Variants in DSG2 observed in about 807,000 individuals in gnomAD.
DSG2 encodes desmoglein 2, also known as desmoglein-2.
A neutral mutation model predicts 75.6 loss-of-function variants in DSG2; 45 were observed. The observed-to-expected ratio is 0.60, with a 90% CI of 0.47 to 0.76. The LOEUF (loss-of-function observed/expected upper bound fraction) is 0.76, where lower values mean the gene tolerates loss of function less well. Ranked by LOEUF, DSG2 falls within the 30% of genes least tolerant of loss-of-function variation. The pLI, the probability that DSG2 is intolerant of heterozygous loss-of-function variation, is 0.00. For missense variants in DSG2, 1,267 were observed against 1,357.4 expected, an observed-to-expected ratio of 0.93 and a Z score of 1.05; for synonymous variants, 429 against 483.9, an observed-to-expected ratio of 0.89 and a Z score of 1.49.
intron 12 of DSG2, among the ~76,000 whole-genome samples, chr18:31,540,046 A>T (rs576323486): frequency 6.6e-6 from 1 of 152,174 alleles, no homozygotes; most frequent in East Asian, 1.9e-4. Flanking sequence ...CAGAAAAATA[A>T]GTTCAGGGCT....
chr18:31,503,627 C>T (rs2073024983), intron 1 of DSG2, among the ~76,000 whole-genome samples: 1 of 152,064 alleles, frequency 6.6e-6, no homozygotes, highest in Non-Finnish European at 1.5e-5. Flanking sequence ...AGGAAAGAGT[C>T]AAGAAAGAAG....
chr18:31,511,751 A>G (rs992147899), intron 1 of DSG2, among the ~76,000 whole-genome samples: 3 of 152,206 alleles, frequency 2.0e-5, no homozygotes, highest in African/African-American at 7.2e-5. Context: ...TGTAACATAC[A>G]TCCAGAAAAG....
intron 14 of DSG2, among the ~76,000 whole-genome samples, chr18:31,545,289 TTC>T (rs776940056): frequency 2.6e-5 from 4 of 152,238 alleles, no homozygotes; most frequent in Non-Finnish European, 5.9e-5. Context: ...CTTTTCCATT[TTC>T]TCTGTCTCTC....
rs554396523 is a variant in DSG2, at chr18:31,542,603, G to C, written c.2085G>C (p.Thr695=). ...TAGGAGGTATGGCCAAGGAAGCCACGATGAAAGGAAGTAGCTCTGCTTCCA... is the reference window on the plus strand; with the variant it reads ...TAGGAGGTATGGCCAAGGAAGCCACCATGAAAGGAAGTAGCTCTGCTTCCA... ...NGVGGMAKEA[T]MKGSSSASIV... The change falls in exon 14 of 15, where the codon ACG becomes ACC. Residue 695 remains threonine (T), a synonymous_variant. Transcript: ENST00000261590. The C allele has an allele frequency of 5.6e-6, 9 of 1,614,132 alleles. No homozygotes were observed. The highest frequency in any genetic ancestry group is 7.6e-6 in the Non-Finnish European group (9 of 1,180,026).
chr18:31,518,380 A>C (rs1598809226), intron 2 of DSG2, 106 bp downstream of exon 2: 2 of 974,558 alleles, frequency 2.1e-6, no homozygotes, highest in Non-Finnish European at 1.6e-6. Context: ...GTTGTATTAG[A>C]CCCAGCCATT....
chr18:31,498,311 C>A lies in DSG2; in HGVS notation c.45+15C>A. 2 of 1,261,080 alleles carry A rather than the reference C, an allele frequency of 1.6e-6. No homozygotes were observed. The highest frequency in any genetic ancestry group is 1.0e-6 in the Non-Finnish European group (1 of 996,782). The allele number at this position is 1,261,080 out of a possible 1,614,324, so 78.1% of individuals were successfully genotyped here. A position where few individuals can be genotyped will look rare whatever the true frequency, so the allele number is the denominator to read the frequency against. ...TGCTTCTCCTGGTAAGTGCCGCAAG[C>A]GGGACAGGGGAGCCACCGCCGGGGA... On this transcript the variant is annotated intron_variant, in intron 1 of 14. Coordinates refer to ENST00000261590, the MANE Select transcript of DSG2 (RefSeq NM_001943.5).
chr18:31,521,278 T>G lies in DSG2; in HGVS notation c.523+35T>G, dbSNP rs2073127198. 3 of 1,541,732 alleles carry G rather than the reference T, an allele frequency of 1.9e-6. No homozygotes were observed. In the East Asian group the frequency reaches 7.2e-5, roughly 37 times the overall value. On this transcript the variant is annotated intron_variant, in intron 5 of 14. Transcript: ENST00000261590. The stretch of plus-strand genomic sequence containing the variant: ...TTTTTTTTTTTTTTTAATAAATAAA[T>G]ACCTAAGATTACTTTATCCCCACTG...
intron 8 of DSG2, among the ~76,000 whole-genome samples, chr18:31,529,664 A>G (rs1385383681): frequency 6.6e-6 from 1 of 152,206 alleles, no homozygotes; most frequent in Non-Finnish European, 1.5e-5. Flanking sequence ...GAAATTCACA[A>G]TGAATTCTCC....
chr18:31,518,822 A>C (rs2073109912), intron 2 of DSG2, among the ~76,000 whole-genome samples: 1 of 152,210 alleles, frequency 6.6e-6, no homozygotes, highest in South Asian at 2.1e-4. Context: ...ATGATAAACC[A>C]AACCTAGTAT....
chr18:31,510,210 C>T (rs1598804840), intron 1 of DSG2, among the ~76,000 whole-genome samples: 1 of 152,328 alleles, frequency 6.6e-6, no homozygotes, highest in East Asian at 1.9e-4. Flanking sequence ...ACACTGCTTA[C>T]CTTCTAGTAA....
At chr18:31,507,014 G>A (rs1035038235) in intron 1 of DSG2, among the ~76,000 whole-genome samples, 2 of 151,952 alleles carry the variant, frequency 1.3e-5, no homozygotes, top group African/African-American at 4.8e-5. Context: ...TGCCATTGTG[G>A]TTTGCTGCAC....
chr18:31,499,593 G>C (rs2073003609), intron 1 of DSG2, among the ~76,000 whole-genome samples: 1 of 152,124 alleles, frequency 6.6e-6, no homozygotes, highest in Admixed American at 6.5e-5. Flanking sequence ...CGTGATCTGG[G>C]ACGTCGTTTT....
chr18:31,502,649 G>A (rs1053918711), intron 1 of DSG2, among the ~76,000 whole-genome samples: 1 of 152,130 alleles, frequency 6.6e-6, no homozygotes, highest in Non-Finnish European at 1.5e-5. Context: ...TACTCAGGAG[G>A]CTGAGGCAGG....
chr18:31,502,606 CT>C (rs1176783487), intron 1 of DSG2, among the ~76,000 whole-genome samples: 1 of 152,168 alleles, frequency 6.6e-6, no homozygotes, highest in Non-Finnish European at 1.5e-5. Flanking sequence ...AAAAAATTAG[CT>C]GGGTGTGGTG....
intron 5 of DSG2, 120 bp downstream of exon 5, chr18:31,521,363 A>G: frequency 9.1e-7 from 1 of 1,094,814 alleles, no homozygotes; most frequent in African/African-American, 1.6e-5. Flanking sequence ...AGAACAAATG[A>G]TAAGAAAGCA....
intron 4 of DSG2, 45 bp from the exon 5 acceptor site, chr18:31,521,054 A>C: frequency 2.5e-6 from 4 of 1,612,156 alleles, no homozygotes; most frequent in Non-Finnish European, 3.4e-6. Context: ...ATGGTAATTT[A>C]GTTTTCTTAG....
At chr18:31,521,433 A>G (rs775923837) in intron 5 of DSG2, among the ~76,000 whole-genome samples, 190 bp downstream of exon 5, 6 of 152,104 alleles carry the variant, frequency 3.9e-5, no homozygotes, top group Non-Finnish European at 8.8e-5. Context: ...TTTTACCCTC[A>G]GAACAGATAG....
chr18:31,537,476 G>A (rs868098858), intron 11 of DSG2, among the ~76,000 whole-genome samples: 3 of 151,808 alleles, frequency 2.0e-5, no homozygotes, highest in East Asian at 3.9e-4. Context: ...AAAATTAGCC[G>A]GGCGTGGTGG....
At chr18:31,545,116 TG>T (rs2073295985) in intron 14 of DSG2, among the ~76,000 whole-genome samples, 1 of 152,206 alleles carries the variant, frequency 6.6e-6, no homozygotes, top group Non-Finnish European at 1.5e-5. Context: ...TGTTTTCTTT[TG>T]GTAAGTTTTC....
Sources: allele counts gnomAD v4.1 joint callset (sites outside exome capture counted in the v4.1 genomes callset), GRCh38; gene constraint gnomAD v4.1.1; transcripts MANE v1.5; gene names NCBI Gene and HGNC (gene_info 2026-07-23, HGNC 2026-07-21).